RNF130: variants seen among roughly 807,000 people sequenced by gnomAD.
The protein encoded by RNF130 is E3 ubiquitin-protein ligase RNF130.
RNF130 carries 21 observed loss-of-function variants against 44.6 expected under a neutral mutation model. The ratio of observed to expected loss-of-function variants is 0.47; its 90% CI spans 0.33 to 0.68. The LOEUF is 0.68. RNF130 is among the 30% of genes least tolerant of loss of function. RNF130 has a pLI of 0.02. For missense variants in RNF130, 479 were observed against 560.6 expected (o/e 0.85, Z 1.47); for synonymous variants, 214 against 210.4 (o/e 1.02, Z -0.15).
chr5:180,009,583 G>C (rs1023356262), intron 3 of RNF130, among the ~76,000 whole-genome samples: 2 of 152,204 alleles, frequency 1.3e-5, no homozygotes, highest in African/African-American at 2.4e-5. Context: ...AAGTGCTGTC[G>C]AGAGTGTGGA....
intron 1 of RNF130, among the ~76,000 whole-genome samples, chr5:180,053,957 G>A (rs1440428905): frequency 6.6e-6 from 1 of 151,604 alleles, no homozygotes; most frequent in Non-Finnish European, 1.5e-5. Flanking sequence ...AGCCTCCCGA[G>A]TAGCTGGGAC....
chr5:179,989,678 A>C (rs770414937), intron 3 of RNF130, among the ~76,000 whole-genome samples: 1 of 152,164 alleles, frequency 6.6e-6, no homozygotes, highest in Non-Finnish European at 1.5e-5. Flanking sequence ...AAATCTATTC[A>C]GTCAGGCTGT....
In RNF130 at chr5:179,960,712, A is replaced by G. The variant is rs183287946; in HGVS notation, c.1244+2759T>C. Reference sequence around the variant, plus strand: ...AGAAAGGTAAACTATTCTAGTAGGTATATGCATAGAGGTGGAGTTTAGTAT... The same window carrying G: ...AGAAAGGTAAACTATTCTAGTAGGTGTATGCATAGAGGTGGAGTTTAGTAT... On this transcript the variant is annotated intron_variant, in intron 8 of 8. Coordinates refer to ENST00000521389, the MANE Select transcript of RNF130 (RefSeq NM_018434.6). Among the ~76,000 whole-genome samples the G allele has an allele frequency of 7.2e-4, 110 of 152,106 alleles. 2 individuals carry two copies. The highest frequency in any genetic ancestry group is 1.6e-4 in the Non-Finnish European group (11 of 67,938).
At chr5:180,058,781 C>T (rs1010473917) in intron 1 of RNF130, among the ~76,000 whole-genome samples, 2 of 152,012 alleles carry the variant, frequency 1.3e-5, no homozygotes, top group Non-Finnish European at 2.9e-5. Flanking sequence ...AGGCTGGTCT[C>T]GAACTCGTGA....
At chr5:180,010,322 T>A (rs1217562910) in intron 3 of RNF130, among the ~76,000 whole-genome samples, 2 of 149,814 alleles carry the variant, frequency 1.3e-5, no homozygotes, top group African/African-American at 2.5e-5. Context: ...TTCCAAACTC[T>A]AGAGGTTACA....
chr5:180,049,843 T>C (rs1764649484), intron 1 of RNF130, among the ~76,000 whole-genome samples: 1 of 152,224 alleles, frequency 6.6e-6, no homozygotes, highest in South Asian at 2.1e-4. Flanking sequence ...TGCCTCTGAA[T>C]ATATTGACCG....
At chr5:179,945,469 A>C (rs1252738646) in intron 7 of RNF130, among the ~76,000 whole-genome samples, 1 of 152,184 alleles carries the variant, frequency 6.6e-6, no homozygotes, top group Admixed American at 6.5e-5. Flanking sequence ...TTGCTGAGCA[A>C]CACTAAACGC....
At chr5:179,941,012 A>T (rs939663049) in intron 7 of RNF130, among the ~76,000 whole-genome samples, 2 of 151,996 alleles carry the variant, frequency 1.3e-5, no homozygotes, top group Non-Finnish European at 2.9e-5. Flanking sequence ...CTTCCTTTCA[A>T]TTATTTTTCA....
chr5:180,060,080 CA>C (rs1764937545), intron 1 of RNF130, among the ~76,000 whole-genome samples: 1 of 152,054 alleles, frequency 6.6e-6, no homozygotes, highest in African/African-American at 2.4e-5. Flanking sequence ...GGCCATGGGC[CA>C]GGGAACACAG....
intron 1 of RNF130, among the ~76,000 whole-genome samples, chr5:180,066,911 G>A (rs1372857215): frequency 6.6e-6 from 1 of 152,178 alleles, no homozygotes; most frequent in Non-Finnish European, 1.5e-5. Context: ...TGCAGTCTCA[G>A]CTACTGGGGA....
rs1762376431 is a variant in RNF130, at chr5:179,963,462, G to A, written c.1244+9C>T. On this transcript the variant is annotated intron_variant, in intron 8 of 8. Transcript: ENST00000521389. The stretch of plus-strand genomic sequence containing the variant: ...GGCACATGCAATCCAAAAACAATTT[G>A]TTACTTACTCATTAGCATTCAAGCT... 1 of 1,608,578 alleles carries A rather than the reference G, an allele frequency of 6.2e-7. No individual in the cohort carries two copies. The highest frequency in any genetic ancestry group is 1.3e-5 in the African/African-American group (1 of 74,754).
At chr5:180,015,195 GA>G (rs1763689251) in intron 2 of RNF130, 2 of 329,110 alleles carry the variant, frequency 6.1e-6, no homozygotes, top group Non-Finnish European at 1.3e-5. Flanking sequence ...TCTGAAATAA[GA>G]GTTGTGATCA....
intron 1 of RNF130, among the ~76,000 whole-genome samples, chr5:180,067,827 A>G (rs1765142305): frequency 6.6e-6 from 1 of 152,074 alleles, no homozygotes; most frequent in African/African-American, 2.4e-5. Flanking sequence ...ACATTACATG[A>G]CCCCTTTCAC....
At chr5:179,921,953 G>A (rs995190385) in intron 7 of RNF130, among the ~76,000 whole-genome samples, 8 of 151,796 alleles carry the variant, frequency 5.3e-5, no homozygotes, top group Admixed American at 3.9e-4. Flanking sequence ...CCCAGGAGGC[G>A]GAGGTTGCAG....
chr5:179,996,445 T>TG (rs1214403457), intron 3 of RNF130, among the ~76,000 whole-genome samples: 1 of 152,236 alleles, frequency 6.6e-6, no homozygotes, highest in Admixed American at 6.5e-5. Flanking sequence ...AGTATGATGT[T>TG]GGTTGTGGGT....
intron 5 of RNF130, among the ~76,000 whole-genome samples, chr5:179,973,017 C>A (rs1382199472): frequency 2.0e-5 from 3 of 151,888 alleles, no homozygotes; most frequent in African/African-American, 7.3e-5. Flanking sequence ...ATTTAGAAAA[C>A]CTCCCTTCCT....
At chr5:180,021,265 G>T (rs1763867514) in intron 2 of RNF130, among the ~76,000 whole-genome samples, 1 of 152,190 alleles carries the variant, frequency 6.6e-6, no homozygotes, top group African/African-American at 2.4e-5. Context: ...TGGGATTACA[G>T]GCGTGAGCCA....
intron 7 of RNF130, among the ~76,000 whole-genome samples, chr5:179,941,867 C>T (rs562569112): frequency 6.6e-6 from 1 of 152,144 alleles, no homozygotes; most frequent in African/African-American, 2.4e-5. Context: ...CTTAATGAGG[C>T]TTAATAGAAT....
chr5:179,940,363 G>C (rs887547680), intron 7 of RNF130, among the ~76,000 whole-genome samples: 2 of 151,904 alleles, frequency 1.3e-5, no homozygotes, highest in Admixed American at 6.6e-5. Flanking sequence ...TGGGATTACA[G>C]GTGCCCGGCA....
Sources: allele counts gnomAD v4.1 joint callset (sites outside exome capture counted in the v4.1 genomes callset), GRCh38; gene constraint gnomAD v4.1.1; transcripts MANE v1.5; gene names NCBI Gene and HGNC (gene_info 2026-07-23, HGNC 2026-07-21).